Variants in PTER observed in about 807,000 individuals in gnomAD.
PTER encodes phosphotriesterase related.
Under a neutral mutation model 29.6 loss-of-function variants are expected in PTER, and 38 were observed. The observed-to-expected ratio is 1.28, with a 90% CI of 0.99 to 1.68. The LOEUF is 1.68. PTER is among the 40% of genes most tolerant of loss of function. The pLI is 0.00. For missense variants in PTER, 482 were observed against 427.8 expected (o/e 1.13, Z -1.12); for synonymous variants, 172 against 154.5 (o/e 1.11, Z -0.84).
At chr10:16,451,434 C>T (rs920452931) in intron 1 of PTER, among the ~76,000 whole-genome samples, 5 of 152,200 alleles carry the variant, frequency 3.3e-5, no homozygotes, top group African/African-American at 9.6e-5. Context: ...ATATGCTGGG[C>T]GTGGTGGCTC....
intron 1 of PTER, among the ~76,000 whole-genome samples, chr10:16,471,450 T>G (rs1835051806): frequency 6.6e-6 from 1 of 151,710 alleles, no homozygotes; most frequent in East Asian, 1.9e-4. Context: ...GAAAATACAT[T>G]AAATTGTAAT....
At chr10:16,485,722 G>C (rs933830866) in intron 2 of PTER, among the ~76,000 whole-genome samples, 5 of 152,080 alleles carry the variant, frequency 3.3e-5, no homozygotes, top group Non-Finnish European at 2.9e-5. Flanking sequence ...GAACCCAAAA[G>C]TCTAATAGTA....
intron 3 of PTER, among the ~76,000 whole-genome samples, chr10:16,499,674 G>A (rs1002121138): frequency 1.3e-5 from 2 of 151,984 alleles, no homozygotes; most frequent in African/African-American, 4.8e-5. Context: ...GAATTCATGA[G>A]CTCAAGTGAC....
At chr10:16,449,305 G>A (rs897851382) in intron 1 of PTER, among the ~76,000 whole-genome samples, 25 of 152,000 alleles carry the variant, frequency 1.6e-4, no homozygotes, top group African/African-American at 5.6e-4. Flanking sequence ...TCTGGTACTA[G>A]GGAAATTACC....
chr10:16,463,967 C>A (rs981562772), intron 1 of PTER, among the ~76,000 whole-genome samples: 6 of 152,128 alleles, frequency 3.9e-5, no homozygotes, highest in Non-Finnish European at 7.3e-5. Context: ...GATTTCGTCT[C>A]AAAGTACATC....
chr10:16,443,899 C>A (rs943245142), intron 1 of PTER, among the ~76,000 whole-genome samples: 3 of 152,068 alleles, frequency 2.0e-5, no homozygotes, highest in Admixed American at 2.0e-4. Context: ...ATCTTGTGCT[C>A]ATCTTGCTTA....
chr10:16,464,264 A>G (rs1332504337), intron 1 of PTER, among the ~76,000 whole-genome samples: 1 of 152,242 alleles, frequency 6.6e-6, no homozygotes, highest in Non-Finnish European at 1.5e-5. Context: ...TTGAGAGTTC[A>G]GAATTCAATT....
At chr10:16,499,768 C>T (rs1447684553) in intron 3 of PTER, among the ~76,000 whole-genome samples, 1 of 151,296 alleles carries the variant, frequency 6.6e-6, no homozygotes, top group Non-Finnish European at 1.5e-5. Context: ...ATTGCCTTCA[C>T]GTTAATGTTT....
At chr10:16,505,681 A>G (rs1283386617) in intron 4 of PTER, among the ~76,000 whole-genome samples, 1 of 152,258 alleles carries the variant, frequency 6.6e-6, no homozygotes, top group Non-Finnish European at 1.5e-5. Context: ...ATGCTGGCAG[A>G]TAATTGTAGG....
At chr10:16,461,603 C>G (rs1834614582) in intron 1 of PTER, among the ~76,000 whole-genome samples, 1 of 152,042 alleles carries the variant, frequency 6.6e-6, no homozygotes, top group Non-Finnish European at 1.5e-5. Flanking sequence ...CTAGTCTTTC[C>G]CCAAAACACT....
At chr10:16,500,274 G>A (rs1385190640) in intron 3 of PTER, among the ~76,000 whole-genome samples, 1 of 148,660 alleles carries the variant, frequency 6.7e-6, no homozygotes, top group Non-Finnish European at 1.5e-5. Context: ...ACCCAGGCTG[G>A]AGTGCAGCAG....
chr10:16,480,022 A>G (rs1307434057), intron 1 of PTER, among the ~76,000 whole-genome samples: 3 of 136,912 alleles, frequency 2.2e-5, no homozygotes, highest in African/African-American at 7.9e-5. Context: ...GTGCAAATGT[A>G]ATCACGGTCA....
intron 1 of PTER, among the ~76,000 whole-genome samples, chr10:16,460,601 C>T (rs1834576042): frequency 6.6e-6 from 1 of 152,084 alleles, no homozygotes; most frequent in Admixed American, 6.6e-5. Context: ...TAAAACCAGT[C>T]CTTACTTGGA....
intron 1 of PTER, among the ~76,000 whole-genome samples, chr10:16,447,097 TTTTC>T (rs952791278): frequency 8.1e-5 from 9 of 110,676 alleles, no homozygotes; most frequent in Non-Finnish European, 1.4e-4. Flanking sequence ...CCTTTTTTTC[TTTTC>T]TTTTTTTTTT....
chr10:16,488,027 G>C (rs892420622), intron 3 of PTER, among the ~76,000 whole-genome samples: 1 of 152,148 alleles, frequency 6.6e-6, no homozygotes, highest in Non-Finnish European at 1.5e-5. Context: ...GTGAAATCAT[G>C]TGCAGGAAAT....
At chr10:16,460,556 T>C (rs1283615956) in intron 1 of PTER, among the ~76,000 whole-genome samples, 1 of 152,232 alleles carries the variant, frequency 6.6e-6, no homozygotes, top group Non-Finnish European at 1.5e-5. Context: ...CTTAATAATA[T>C]ATTTTACCTA....
At chr10:16,485,866 G>A (rs1835674789) in intron 2 of PTER, among the ~76,000 whole-genome samples, 1 of 152,040 alleles carries the variant, frequency 6.6e-6, no homozygotes, top group Non-Finnish European at 1.5e-5. Flanking sequence ...GCCTGAAATG[G>A]GAGGTTCACT....
At chr10:16,447,101 C>CTTTTTT (rs71374690) in intron 1 of PTER, among the ~76,000 whole-genome samples, 25 of 124,570 alleles carry the variant, frequency 2.0e-4, no homozygotes, top group Middle Eastern at 4.3e-3. Context: ...TTTTTCTTTT[C>CTTTTTT]TTTTTTTTTT....
Position 16,511,470 on chromosome 10 carries a change from C to T in PTER, c.*214C>T. 2 of 553,254 alleles carry T rather than the reference C, an allele frequency of 3.6e-6. No homozygotes were observed. Among genetic ancestry groups the T allele is most frequent in the East Asian group, 5.7e-5 (2 of 34,852 alleles). The allele number at this position is 553,254 out of a possible 1,614,324, so 34.3% of individuals were successfully genotyped here. A position where few individuals can be genotyped will look rare whatever the true frequency, so the allele number is the denominator to read the frequency against. ...GCCTAATTGAGCCCTATTATTTTAA[C>T]TTAACAAAATAAATACAGAAGTACC... On this transcript the variant is annotated 3_prime_UTR_variant, in exon 5 of 5. Coordinates refer to ENST00000535784, the MANE Select transcript of PTER (RefSeq NM_001261836.2).
Sources: allele counts gnomAD v4.1 joint callset (sites outside exome capture counted in the v4.1 genomes callset), GRCh38; gene constraint gnomAD v4.1.1; transcripts MANE v1.5; gene names NCBI Gene and HGNC (gene_info 2026-07-23, HGNC 2026-07-21).